Variants in C1QTNF3 observed in about 807,000 individuals in gnomAD.
C1QTNF3 encodes the protein C1q and TNF related 3, also known as complement C1q tumor necrosis factor-related protein 3.
A neutral mutation model predicts 32.6 loss-of-function variants in C1QTNF3; 26 were observed. The observed-to-expected ratio is 0.80, with a 90% CI of 0.58 to 1.11. The LOEUF (loss-of-function observed/expected upper bound fraction) is 1.11, where lower values mean the gene tolerates loss of function less well. Ranked by LOEUF, C1QTNF3 falls within the 50% of genes least tolerant of loss-of-function variation. C1QTNF3 has a pLI of 0.00. For missense variants in C1QTNF3, 362 were observed against 398.2 expected (o/e 0.91, Z 0.77); for synonymous variants, 155 against 146.0 (o/e 1.06, Z -0.44).
chr5:34,029,302 TC>T (rs1754553208), intron 3 of C1QTNF3, among the ~76,000 whole-genome samples: 1 of 151,932 alleles, frequency 6.6e-6, no homozygotes, highest in Non-Finnish European at 1.5e-5. Context: ...CCTATTAATT[TC>T]TTTTTTTTTT....
the C1QTNF3 span, among the ~76,000 whole-genome samples, chr5:34,154,043 A>G: frequency 6.6e-6 from 1 of 151,690 alleles, no homozygotes; most frequent in East Asian, 1.9e-4. Flanking sequence ...AAAAAAAAAA[A>G]ATGTCATTTG....
At chr5:34,096,164 G>A in the C1QTNF3 span, among the ~76,000 whole-genome samples, 1 of 150,012 alleles carries the variant, frequency 6.7e-6, no homozygotes, top group Non-Finnish European at 1.5e-5. Flanking sequence ...AGAGGGGTTA[G>A]TGGGAAGGCT....
chr5:34,216,450 T>G, the C1QTNF3 span, among the ~76,000 whole-genome samples: 3 of 152,092 alleles, frequency 2.0e-5, no homozygotes, highest in Non-Finnish European at 4.4e-5. Flanking sequence ...CTTATAAGCA[T>G]TTAGAAAGAT....
the C1QTNF3 span, among the ~76,000 whole-genome samples, chr5:34,236,563 CTTTTTTCTTTTTTT>C: frequency 6.6e-5 from 3 of 45,304 alleles, no homozygotes; most frequent in Admixed American, 8.2e-4. Flanking sequence ...TTTCTTTTTT[CTTTTTTCTTTTTTT>C]TTTTTTTTTT....
the C1QTNF3 span, among the ~76,000 whole-genome samples, chr5:34,183,322 ATTTTCTTT>A: frequency 1.5e-5 from 2 of 129,446 alleles, no homozygotes; most frequent in African/African-American, 2.9e-5. Context: ...TAATTTTTTA[ATTTTCTTT>A]TTTTTTTTTT....
At chr5:34,064,178 C>T in the C1QTNF3 span, among the ~76,000 whole-genome samples, 1 of 152,322 alleles carries the variant, frequency 6.6e-6, no homozygotes, top group Middle Eastern at 3.4e-3. Context: ...TCTTTTTAAC[C>T]AGCCAACAGG....
chr5:34,079,298 T>C, the C1QTNF3 span, among the ~76,000 whole-genome samples: 2 of 151,534 alleles, frequency 1.3e-5, no homozygotes, highest in Non-Finnish European at 2.9e-5. Flanking sequence ...TCACCTACTA[T>C]CTTCCAATCA....
chr5:34,061,894 T>C, the C1QTNF3 span, among the ~76,000 whole-genome samples: 8 of 152,190 alleles, frequency 5.3e-5, no homozygotes, highest in Non-Finnish European at 1.2e-4. Context: ...CTTATGAAAA[T>C]TTTGCAGCTG....
chr5:34,223,050 G>C, the C1QTNF3 span, among the ~76,000 whole-genome samples: 4,060 of 151,558 alleles, frequency 0.027, 194 homozygotes, highest in African/African-American at 0.095. Context: ...TCAAGTTTTA[G>C]GGTACATGTG....
At chr5:34,213,810 T>TATATATATATATATATATA in the C1QTNF3 span, among the ~76,000 whole-genome samples, 301 of 13,372 alleles carry the variant, frequency 0.023, 4 homozygotes, top group South Asian at 0.036. Flanking sequence ...TATATATATA[T>TATATATATATATATATATA]TTTTTTTTTT....
the C1QTNF3 span, chr5:34,164,710 C>A: frequency 1.3e-5 from 2 of 151,756 alleles, no homozygotes; most frequent in Non-Finnish European, 2.9e-5. Context: ...GATAAAGAGA[C>A]TTTATTATAT....
intron 1 of C1QTNF3, among the ~76,000 whole-genome samples, chr5:34,037,777 C>G (rs1754776147): frequency 6.6e-6 from 1 of 152,166 alleles, no homozygotes; most frequent in South Asian, 2.1e-4. Flanking sequence ...GGGATTTTAT[C>G]TGAGGGATTT....
At chr5:34,056,519 GAGAGAGAGAA>G in the C1QTNF3 span, among the ~76,000 whole-genome samples, 64 of 132,984 alleles carry the variant, frequency 4.8e-4, no homozygotes, top group African/African-American at 1.4e-3. Context: ...GAGAGAGAGA[GAGAGAGAGAA>G]AGAGATAGGG....
At chr5:34,226,811 G>C in the C1QTNF3 span, among the ~76,000 whole-genome samples, 1 of 151,316 alleles carries the variant, frequency 6.6e-6, no homozygotes, top group Non-Finnish European at 1.5e-5. Context: ...TTACAGAAAA[G>C]AAAGTGTTAT....
At chr5:34,110,151 A>G in the C1QTNF3 span, among the ~76,000 whole-genome samples, 1 of 152,224 alleles carries the variant, frequency 6.6e-6, no homozygotes, top group Non-Finnish European at 1.5e-5. Context: ...TCATGTGACA[A>G]TACGTGAAAA....
the C1QTNF3 span, among the ~76,000 whole-genome samples, chr5:34,171,356 A>C: frequency 6.6e-6 from 1 of 151,144 alleles, no homozygotes; most frequent in Admixed American, 6.6e-5. Flanking sequence ...CTACAGTATA[A>C]TATATATACA....
At chr5:34,212,465 G>T in the C1QTNF3 span, among the ~76,000 whole-genome samples, 1 of 151,836 alleles carries the variant, frequency 6.6e-6, no homozygotes, top group Non-Finnish European at 1.5e-5. Flanking sequence ...CAGTGAACAG[G>T]CAACCTACAG....
chr5:34,188,246 C>T, the C1QTNF3 span, among the ~76,000 whole-genome samples: 664 of 126,118 alleles, frequency 5.3e-3, no homozygotes, highest in South Asian at 0.015. Context: ...GAGCGGGGGG[C>T]CCTCATGGAT....
At chr5:34,241,328 A>C in the C1QTNF3 span, among the ~76,000 whole-genome samples, 1 of 151,956 alleles carries the variant, frequency 6.6e-6, no homozygotes. Context: ...CCCAAATAGG[A>C]AGTAAAGATT....
Sources: allele counts gnomAD v4.1 joint callset (sites outside exome capture counted in the v4.1 genomes callset), GRCh38; gene constraint gnomAD v4.1.1; transcripts MANE v1.5; gene names NCBI Gene and HGNC (gene_info 2026-07-23, HGNC 2026-07-21).